The following SPMIP7 variants were observed in gnomAD, a reference collection of about 807,000 sequenced individuals.
The protein encoded by SPMIP7 is protein SPMIP7.
the SPMIP7 span, among the ~76,000 whole-genome samples, chr7:50,140,802 C>T: frequency 6.6e-6 from 1 of 152,308 alleles, no homozygotes; most frequent in East Asian, 1.9e-4. Flanking sequence ...CCCCAGAAGT[C>T]CTTGAAACTC....
the SPMIP7 span, among the ~76,000 whole-genome samples, chr7:50,146,047 C>G: frequency 6.6e-6 from 1 of 152,150 alleles, no homozygotes; most frequent in Non-Finnish European, 1.5e-5. Context: ...CCCTGTCAGT[C>G]GCTGGACTGT....
At chr7:50,114,674 T>C in the SPMIP7 span, among the ~76,000 whole-genome samples, 2 of 152,016 alleles carry the variant, frequency 1.3e-5, no homozygotes, top group African/African-American at 4.8e-5. Flanking sequence ...CTAAATTATG[T>C]CCACTGTTAA....
the SPMIP7 span, among the ~76,000 whole-genome samples, chr7:50,143,194 T>C: frequency 7.2e-6 from 1 of 139,774 alleles, no homozygotes; most frequent in East Asian, 2.2e-4. Context: ...GACAAGAGTC[T>C]CACTCTGTCA....
At chr7:50,119,576 GCCTGT>G in the SPMIP7 span, among the ~76,000 whole-genome samples, 2 of 152,130 alleles carry the variant, frequency 1.3e-5, no homozygotes, top group African/African-American at 4.8e-5. Flanking sequence ...TAATGCCACT[GCCTGT>G]CTGTGTTACC....
the SPMIP7 span, among the ~76,000 whole-genome samples, chr7:50,154,747 G>A: frequency 1.3e-5 from 2 of 152,156 alleles, no homozygotes; most frequent in East Asian, 1.9e-4. Flanking sequence ...GAAGGAATAC[G>A]TTATTTTTAT....
the SPMIP7 span, among the ~76,000 whole-genome samples, chr7:50,112,013 C>G: frequency 1.3e-5 from 2 of 151,914 alleles, no homozygotes; most frequent in African/African-American, 4.8e-5. Context: ...TTCAAATAAG[C>G]CTTTGAGATT....
chr7:50,153,813 G>A, the SPMIP7 span, among the ~76,000 whole-genome samples: 1 of 152,036 alleles, frequency 6.6e-6, no homozygotes, highest in African/African-American at 2.4e-5. Flanking sequence ...CACAGTAAAG[G>A]CACCCTAGGG....
the SPMIP7 span, among the ~76,000 whole-genome samples, chr7:50,109,177 A>G: frequency 0.84 from 126,904 of 151,660 alleles, 53,134 homozygotes; most frequent in East Asian, 0.92. Context: ...TTTACAAAGA[A>G]TAAACCATTT....
chr7:50,124,057 T>C, the SPMIP7 span, among the ~76,000 whole-genome samples: 2 of 152,016 alleles, frequency 1.3e-5, no homozygotes, highest in African/African-American at 4.8e-5. Context: ...ATACATACAA[T>C]GTAAATAAAA....
At chr7:50,121,137 C>T in the SPMIP7 span, among the ~76,000 whole-genome samples, 2 of 152,280 alleles carry the variant, frequency 1.3e-5, no homozygotes, top group East Asian at 3.8e-4. Context: ...AATCATCCAA[C>T]TAATTTCATA....
At chr7:50,109,657 G>A in the SPMIP7 span, among the ~76,000 whole-genome samples, 1 of 152,132 alleles carries the variant, frequency 6.6e-6, no homozygotes, top group African/African-American at 2.4e-5. Flanking sequence ...TTACAGGTGT[G>A]AGCCACCATG....
At chr7:50,125,067 C>T in the SPMIP7 span, among the ~76,000 whole-genome samples, 7 of 136,104 alleles carry the variant, frequency 5.1e-5, no homozygotes, top group East Asian at 4.1e-4. Flanking sequence ...CCACTGCACT[C>T]CAGCCTAGGC....
the SPMIP7 span, among the ~76,000 whole-genome samples, chr7:50,130,127 C>T: frequency 2.6e-5 from 4 of 152,090 alleles, no homozygotes; most frequent in African/African-American, 4.8e-5. Context: ...GTACCTATTA[C>T]GAATCTATGT....
chr7:50,111,941 C>T, the SPMIP7 span, among the ~76,000 whole-genome samples: 16 of 152,216 alleles, frequency 1.1e-4, no homozygotes, highest in Admixed American at 2.0e-4. Context: ...ATTACTCCCA[C>T]GTCAACTATT....
chr7:50,147,458 A>G, the SPMIP7 span, among the ~76,000 whole-genome samples: 352 of 152,364 alleles, frequency 2.3e-3, 3 homozygotes, highest in African/African-American at 8.1e-3. Flanking sequence ...ATGACACAAG[A>G]TTGTTGTGAG....
At chr7:50,136,171 T>C in the SPMIP7 span, 1 of 1,539,398 alleles carries the variant, frequency 6.5e-7, no homozygotes, top group Non-Finnish European at 8.8e-7. Context: ...AATTTGTAAG[T>C]TTTATCTCCT....
At chr7:50,111,363 G>A in the SPMIP7 span, among the ~76,000 whole-genome samples, 1 of 151,940 alleles carries the variant, frequency 6.6e-6, no homozygotes, top group Non-Finnish European at 1.5e-5. Flanking sequence ...ATTTACATAG[G>A]GCACACAAGA....
chr7:50,123,793 C>A, the SPMIP7 span, among the ~76,000 whole-genome samples: 817 of 138,502 alleles, frequency 5.9e-3, 9 homozygotes, highest in African/African-American at 0.019. Flanking sequence ...AAATAATTCC[C>A]AAAAAGACAG....
the SPMIP7 span, among the ~76,000 whole-genome samples, chr7:50,097,268 G>C: frequency 2.6e-5 from 4 of 152,200 alleles, no homozygotes; most frequent in Non-Finnish European, 5.9e-5. Flanking sequence ...CTGTATAAAA[G>C]CTGTCTGGCA....
Sources: gnomAD v4.1 joint callset for allele counts (sites outside exome capture counted in the v4.1 genomes callset) on GRCh38, gnomAD v4.1.1 for gene constraint, MANE v1.5 for transcripts, NCBI Gene and HGNC (gene_info 2026-07-23, HGNC 2026-07-21) for gene names.